Variants in DZIP1L observed in about 807,000 individuals in gnomAD.
The protein encoded by DZIP1L is DAZ interacting zinc finger protein 1 like.
Under a neutral mutation model 88.7 loss-of-function variants are expected in DZIP1L, and 90 were observed. That is an observed-to-expected ratio of 1.02 (90% CI 0.86 to 1.21). DZIP1L has a LOEUF of 1.21. DZIP1L is among the 50% of genes most tolerant of loss of function. The probability of loss-of-function intolerance (pLI) is 0.00; values close to 1 mark genes in which losing one functional copy is unlikely to be tolerated. For missense variants in DZIP1L, 932 were observed against 955.8 expected, an observed-to-expected ratio of 0.98 and a Z score of 0.33; for synonymous variants, 363 against 372.1, an observed-to-expected ratio of 0.98 and a Z score of 0.28.
At chr3:138,109,464 T>C (rs1397231746) in intron 1 of DZIP1L, among the ~76,000 whole-genome samples, 1 of 152,176 alleles carries the variant, frequency 6.6e-6, no homozygotes, top group African/African-American at 2.4e-5. Context: ...CAATTAAAGG[T>C]TGACACATGT....
intron 11 of DZIP1L, among the ~76,000 whole-genome samples, chr3:138,076,314 G>A (rs998452500): frequency 2.0e-5 from 3 of 152,202 alleles, no homozygotes; most frequent in Non-Finnish European, 2.9e-5. Context: ...ACTGTTGGTG[G>A]GAATGTAAAC....
intron 1 of DZIP1L, among the ~76,000 whole-genome samples, chr3:138,109,704 T>C (rs1392358488): frequency 1.3e-5 from 2 of 152,168 alleles, no homozygotes; most frequent in Non-Finnish European, 2.9e-5. Flanking sequence ...GACTTGGAAC[T>C]AACCCAAATG....
intron 2 of DZIP1L, chr3:138,101,973 C>G: frequency 5.8e-6 from 9 of 1,541,076 alleles, no homozygotes; most frequent in Non-Finnish European, 8.0e-6. Flanking sequence ...CTGGAGCCGG[C>G]TGATGTTCTG....
chr3:138,084,220 G>C lies in DZIP1L; in HGVS notation c.1096C>G (p.Leu366Val), dbSNP rs1339780793. The C allele has an allele frequency of 1.2e-6, 2 of 1,614,012 alleles. No homozygotes were observed. The highest frequency in any genetic ancestry group is 1.3e-5 in the African/African-American group (1 of 74,948). Reference sequence around the variant, plus strand: ...GCTGCCTTCTTCTGATCCTGAGACAGGGAGGCCTGGAGCCTCTGGTTCTCC... The same window carrying C: ...GCTGCCTTCTTCTGATCCTGAGACACGGAGGCCTGGAGCCTCTGGTTCTCC... Reference protein sequence around the residue: ...QEENQRLQASLSQDQKKAAAQ... With the variant: ...QEENQRLQASVSQDQKKAAAQ... The change falls in exon 8 of 16, where the codon CTG (leucine) becomes GTG (valine). Residue 366 changes from leucine (L) to valine (V), a missense_variant. Leu to Val is a conservative substitution (Grantham distance 32). Transcript: ENST00000327532.
intron 7 of DZIP1L, among the ~76,000 whole-genome samples, chr3:138,086,631 C>T (rs951225260): frequency 7.2e-5 from 11 of 152,164 alleles, no homozygotes; most frequent in East Asian, 1.9e-4. Flanking sequence ...AAACGTGAAA[C>T]GACCAGGCGA....
chr3:138,073,273 A>G (rs569844971), intron 11 of DZIP1L, among the ~76,000 whole-genome samples: 1 of 152,220 alleles, frequency 6.6e-6, no homozygotes, highest in Non-Finnish European at 1.5e-5. Context: ...CCAATGCACT[A>G]AACAAACAAA....
At chr3:138,113,957 G>A (rs956292901) in intron 1 of DZIP1L, among the ~76,000 whole-genome samples, 4 of 152,214 alleles carry the variant, frequency 2.6e-5, no homozygotes, top group African/African-American at 9.7e-5. Flanking sequence ...TGTCTCTTGG[G>A]AGTGTTTTAG....
chr3:138,093,792 A>G (rs1944346595), intron 4 of DZIP1L, among the ~76,000 whole-genome samples: 1 of 152,226 alleles, frequency 6.6e-6, no homozygotes, highest in Non-Finnish European at 1.5e-5. Flanking sequence ...CCTTCATAGA[A>G]GTGAAGAGAG....
chr3:138,084,351 G>C, intron 7 of DZIP1L, 98 bp from the exon 8 acceptor site: 1 of 1,463,784 alleles, frequency 6.8e-7, no homozygotes, highest in African/African-American at 1.4e-5. Context: ...TGCCAGGCAA[G>C]CACAGTAAAG....
intron 4 of DZIP1L, among the ~76,000 whole-genome samples, chr3:138,093,506 C>T (rs1165328897): frequency 1.3e-5 from 2 of 152,184 alleles, no homozygotes; most frequent in African/African-American, 4.8e-5. Flanking sequence ...AGAGAATCAT[C>T]CTGTTCTTTG....
In DZIP1L at chr3:138,068,302, C is replaced by T. The variant is rs202118009; in HGVS notation, c.1681G>A (p.Ala561Thr). ...GGCTCTGCCGGTGTGGATGGCAAGG[C>T]CACCTGCAGGGTCCTGGTCTTTGGC... ...AQPKTRTLQV[A>T]LPSTPAEPPP... Residue 561 changes from alanine (A) to threonine (T), a missense_variant, in exon 13 of 16, where the codon GCC becomes ACC. Ala to Thr is a moderately conservative substitution (Grantham distance 58, BLOSUM62 0). Coordinates refer to ENST00000327532, the MANE Select transcript of DZIP1L (RefSeq NM_173543.3). 1.8e-5 allele frequency: 29 copies of T among 1,595,038 alleles called. No homozygotes were observed. Among genetic ancestry groups the T allele is most frequent in the East Asian group, 1.1e-4 (5 of 43,680 alleles).
chr3:138,066,380 T>C (rs1214607514), intron 14 of DZIP1L, among the ~76,000 whole-genome samples: 1 of 152,132 alleles, frequency 6.6e-6, no homozygotes, highest in East Asian at 1.9e-4. Context: ...TTAAAGACTA[T>C]GGGGATATTC....
intron 13 of DZIP1L, 99 bp from the exon 14 acceptor site, chr3:138,067,799 G>T: frequency 7.4e-7 from 1 of 1,360,108 alleles, no homozygotes. Flanking sequence ...GTTTGCTCAG[G>T]GCCAGCCCTG....
chr3:138,102,168 T>C, intron 2 of DZIP1L: 2 of 1,369,716 alleles, frequency 1.5e-6, no homozygotes, highest in Non-Finnish European at 2.1e-6. Context: ...GGAGTGACTG[T>C]TGTCCATGGA....
chr3:138,108,787 A>G (rs1227216429), intron 1 of DZIP1L, among the ~76,000 whole-genome samples: 1 of 152,244 alleles, frequency 6.6e-6, no homozygotes, highest in Non-Finnish European at 1.5e-5. Flanking sequence ...CACAAAATGT[A>G]GCAGATATGA....
chr3:138,088,458 G>A lies in DZIP1L; in HGVS notation c.920C>T (p.Ser307Leu). The change falls in exon 6 of 16, where the codon TCA becomes TTA. Residue 307 changes from serine to leucine, a missense_variant. Coordinates refer to ENST00000327532, the MANE Select transcript of DZIP1L (RefSeq NM_173543.3). ...CTCCTCTGACTCCTCATCTCGCAGT[G>A]ATCCCAGCTTGGACTCCATCACACT... is the stretch of plus-strand genomic sequence containing the variant. Reference protein sequence around the residue: ...SHSVMESKLGSLRDEESEEWL... With the variant: ...SHSVMESKLGLLRDEESEEWL... 6.2e-7 allele frequency: 1 copy of A among 1,614,052 alleles called. No homozygotes were observed. The highest frequency in any genetic ancestry group is 8.5e-7 in the Non-Finnish European group (1 of 1,179,976).
intron 14 of DZIP1L, 85 bp from the exon 15 acceptor site, chr3:138,064,852 T>A: frequency 7.3e-6 from 11 of 1,512,548 alleles, no homozygotes; most frequent in Non-Finnish European, 9.7e-6. Context: ...CAGGCTCCAG[T>A]GTGGATAGAG....
At chr3:138,112,842 G>C (rs1303854871) in intron 1 of DZIP1L, among the ~76,000 whole-genome samples, 1 of 152,134 alleles carries the variant, frequency 6.6e-6, no homozygotes, top group Non-Finnish European at 1.5e-5. Flanking sequence ...AGCTACTCGG[G>C]AGGCTGAGGC....
chr3:138,115,164 A>C (rs1236104140), intron 1 of DZIP1L, among the ~76,000 whole-genome samples, 164 bp downstream of exon 1: 2 of 152,048 alleles, frequency 1.3e-5, no homozygotes, highest in African/African-American at 4.8e-5. Flanking sequence ...GCGCGGACGC[A>C]CGCAGCCGGC....
Sources: gnomAD v4.1 joint callset for allele counts (sites outside exome capture counted in the v4.1 genomes callset) on GRCh38, gnomAD v4.1.1 for gene constraint, MANE v1.5 for transcripts, NCBI Gene and HGNC (gene_info 2026-07-23, HGNC 2026-07-21) for gene names.